RARB: variants seen among roughly 807,000 people sequenced by gnomAD.
RARB encodes HBV-activated protein.
Under a neutral mutation model 51.9 loss-of-function variants are expected in RARB, and 17 were observed. The ratio of observed to expected loss-of-function variants is 0.33; its 90% CI spans 0.22 to 0.49. The LOEUF (loss-of-function observed/expected upper bound fraction) is 0.49. Among genes scored for constraint, RARB ranks in the 20% least tolerant of loss-of-function variants. The pLI is 0.99. For missense variants in RARB, 369 were observed against 550.8 expected, an observed-to-expected ratio of 0.67 and a Z score of 3.30; for synonymous variants, 215 against 195.4, an observed-to-expected ratio of 1.10 and a Z score of -0.84.
chr3:24,998,512 T>G (rs1294282745), intron 2 of RARB, among the ~76,000 whole-genome samples: 1 of 152,134 alleles, frequency 6.6e-6, no homozygotes, highest in Non-Finnish European at 1.5e-5. Flanking sequence ...AATGGAGTTT[T>G]TGCAGTATTC....
intron 2 of RARB, among the ~76,000 whole-genome samples, chr3:24,972,266 T>C (rs1696416720): frequency 6.6e-6 from 1 of 151,952 alleles, no homozygotes. Flanking sequence ...GCCTCACTTA[T>C]TTCACTTCAC....
At chr3:25,286,040 G>A (rs1347885733) in intron 5 of RARB, among the ~76,000 whole-genome samples, 1 of 148,672 alleles carries the variant, frequency 6.7e-6, no homozygotes, top group Non-Finnish European at 1.5e-5. Flanking sequence ...CTGTTATCTA[G>A]CCACCCACCC....
At chr3:25,386,762 C>A (rs1706806813) in intron 5 of RARB, among the ~76,000 whole-genome samples, 1 of 152,190 alleles carries the variant, frequency 6.6e-6, no homozygotes. Flanking sequence ...CCACATATTT[C>A]CTCCCAAGAG....
intron 2 of RARB, among the ~76,000 whole-genome samples, chr3:24,996,072 G>T (rs1394857467): frequency 2.6e-5 from 4 of 152,082 alleles, no homozygotes. Context: ...GAATTTAGAG[G>T]TGAAGCCATT....
At chr3:25,231,940 C>T (rs536709525) in intron 5 of RARB, among the ~76,000 whole-genome samples, 12 of 151,234 alleles carry the variant, frequency 7.9e-5, no homozygotes, top group African/African-American at 1.2e-4. Flanking sequence ...TTTTTTCTTT[C>T]GGTATCGTGT....
chr3:25,408,061 A>G (rs1707461083), intron 5 of RARB, among the ~76,000 whole-genome samples: 1 of 152,132 alleles, frequency 6.6e-6, no homozygotes, highest in African/African-American at 2.4e-5. Context: ...GATCTTCCGT[A>G]TAAACCACTT....
chr3:24,852,143 G>A (rs956514560), intron 1 of RARB, among the ~76,000 whole-genome samples: 6 of 152,130 alleles, frequency 3.9e-5, no homozygotes, highest in Non-Finnish European at 7.4e-5. Flanking sequence ...TTTTGTTAGT[G>A]ATGGGTTAAC....
rs147873939 is a variant in RARB at position 24,974,850 on chromosome 3, C to T, written c.-379-85275C>T. On this transcript the variant is annotated intron_variant, in intron 2 of 11. Coordinates refer to the RARB transcript ENST00000383772. ...CTTTGGAAAGGTCTTTAGACATAGCCGGAAGCTTCATTTGCTCTCTAGTCA... is the reference window on the plus strand; with the variant it reads ...CTTTGGAAAGGTCTTTAGACATAGCTGGAAGCTTCATTTGCTCTCTAGTCA... Among the ~76,000 whole-genome samples, 292 of 152,150 alleles carry T rather than the reference C, an allele frequency of 1.9e-3. 1 individual carries two copies. Among genetic ancestry groups the T allele is most frequent in the Non-Finnish European group, 3.3e-3 (225 of 67,988 alleles).
At chr3:24,967,148 G>A (rs1014176374) in intron 2 of RARB, among the ~76,000 whole-genome samples, 9 of 152,124 alleles carry the variant, frequency 5.9e-5, no homozygotes, top group South Asian at 2.1e-4. Flanking sequence ...CTCTCGGCCC[G>A]TGGGCTTCCA....
At chr3:25,397,516 C>T (rs1435458620) in intron 5 of RARB, among the ~76,000 whole-genome samples, 1 of 152,232 alleles carries the variant, frequency 6.6e-6, no homozygotes, top group Non-Finnish European at 1.5e-5. Context: ...ACACACTGTT[C>T]TGTCATCCAA....
At chr3:25,354,163 T>C (rs1705660362) in intron 5 of RARB, among the ~76,000 whole-genome samples, 1 of 151,260 alleles carries the variant, frequency 6.6e-6, no homozygotes. Flanking sequence ...GTTACAAAAA[T>C]GTAACCCTCC....
At chr3:24,971,288 CAT>C (rs1473890630) in intron 2 of RARB, among the ~76,000 whole-genome samples, 1 of 151,928 alleles carries the variant, frequency 6.6e-6, no homozygotes, top group African/African-American at 2.4e-5. Context: ...GGAGGTTAGT[CAT>C]TTAATCCTTA....
intron 3 of RARB, among the ~76,000 whole-genome samples, chr3:25,117,361 G>A (rs1299265579): frequency 6.6e-6 from 1 of 152,126 alleles, no homozygotes; most frequent in Non-Finnish European, 1.5e-5. Context: ...CAGGAGCATG[G>A]CACAAGAGGT....
At chr3:25,235,306 T>A (rs1032908352) in intron 5 of RARB, among the ~76,000 whole-genome samples, 7 of 152,164 alleles carry the variant, frequency 4.6e-5, no homozygotes, top group African/African-American at 1.7e-4. Context: ...TCTTGATCAG[T>A]ACTGCAAGTT....
chr3:25,217,250 C>G (rs1701854471), intron 5 of RARB, among the ~76,000 whole-genome samples: 1 of 152,084 alleles, frequency 6.6e-6, no homozygotes, highest in Non-Finnish European at 1.5e-5. Context: ...TTTAATTTTA[C>G]CAGTGTTCAA....
At chr3:25,122,594 G>T (rs1909522) in intron 3 of RARB, among the ~76,000 whole-genome samples, 4 of 152,114 alleles carry the variant, frequency 2.6e-5, no homozygotes, top group African/African-American at 9.7e-5. Context: ...GGACAAGTTA[G>T]CTCTCTTGAA....
chr3:24,839,293 C>T (rs1275466354), intron 1 of RARB, among the ~76,000 whole-genome samples: 1 of 151,946 alleles, frequency 6.6e-6, no homozygotes, highest in Non-Finnish European at 1.5e-5. Flanking sequence ...GAGTGTTTAA[C>T]CTTATTTGAG....
At chr3:25,405,611 A>T (rs1488890305) in intron 5 of RARB, among the ~76,000 whole-genome samples, 1 of 152,252 alleles carries the variant, frequency 6.6e-6, no homozygotes, top group Non-Finnish European at 1.5e-5. Flanking sequence ...TCTGTGTTGT[A>T]AAATATGTTC....
intron 3 of RARB, among the ~76,000 whole-genome samples, chr3:25,061,354 ATTTCT>A (rs1324819215): frequency 2.6e-4 from 40 of 151,802 alleles, no homozygotes; most frequent in Non-Finnish European, 3.4e-4. Flanking sequence ...TTAACTATAA[ATTTCT>A]TTTATTATAA....
Sources: allele counts gnomAD v4.1 joint callset (sites outside exome capture counted in the v4.1 genomes callset), GRCh38; gene constraint gnomAD v4.1.1; transcripts MANE v1.5; gene names NCBI Gene and HGNC (gene_info 2026-07-23, HGNC 2026-07-21).